NPC1: variants seen among roughly 807,000 people sequenced by gnomAD.
NPC1 encodes the protein Niemann-Pick C1 protein.
NPC1 carries 85 observed loss-of-function variants against 140.4 expected under a neutral mutation model. The ratio of observed to expected loss-of-function variants is 0.61; its 90% CI spans 0.51 to 0.72. The LOEUF is 0.72. Ranked by LOEUF, NPC1 falls within the 30% of genes least tolerant of loss-of-function variation. The pLI is 0.00. For missense variants in NPC1, 1,504 were observed against 1,623.8 expected, an observed-to-expected ratio of 0.93 and a Z score of 1.27; for synonymous variants, 656 against 624.8, an observed-to-expected ratio of 1.05 and a Z score of -0.74.
rs1463611473 is a variant in NPC1, at chr18:23,540,946, T to G, written c.2514+122A>C. 4.1e-6 allele frequency: 5 copies of G among 1,214,656 alleles called. No individual in the cohort carries two copies. In the East Asian group the frequency reaches 7.0e-5, roughly 17 times the overall value. 75.2% of individuals were successfully genotyped at this position (1,214,656 alleles called of 1,614,324 possible). A position where few individuals can be genotyped will look rare whatever the true frequency, so the allele number is the denominator to read the frequency against. The stretch of plus-strand genomic sequence containing the variant: ...CTACTGTTCCACATTTGCTTTTGCT[T>G]TTTTTTTAGATACATTTTAACAGCT... On this transcript the variant is annotated intron_variant, in intron 16 of 24. Transcript: ENST00000269228.
At chr18:23,563,090 T>C (rs980509777) in intron 4 of NPC1, among the ~76,000 whole-genome samples, 6 of 152,240 alleles carry the variant, frequency 3.9e-5, no homozygotes, top group African/African-American at 1.4e-4. Flanking sequence ...TTTATCTGAC[T>C]ATTTCAGACA....
At position 23,541,083 on chromosome 18, in the gene NPC1, C is replaced by G. The variant is rs2058706495; in HGVS notation, c.2499G>C (p.Trp833Cys). The G allele has an allele frequency of 6.2e-7, 1 of 1,614,064 alleles. No individual in the cohort carries two copies. The highest frequency in any genetic ancestry group is 1.3e-5 in the African/African-American group (1 of 74,918). Reference sequence around the variant, plus strand: ...AAGCGCATACCACAATTGGTCTCATCCAGTCCTTTAGCAGAAGTGGAGAAT... The same window carrying G: ...AAGCGCATACCACAATTGGTCTCATGCAGTCCTTTAGCAGAAGTGGAGAAT... Reference protein sequence around the residue: ...NSYSPLLLKDWMRPIVIAIFV... With the variant: ...NSYSPLLLKDCMRPIVIAIFV... Residue 833 changes from tryptophan to cysteine, a missense_variant, in exon 16 of 25, where the codon TGG becomes TGC. Trp to Cys is a radical substitution (Grantham distance 215, BLOSUM62 -2). Transcript: ENST00000269228.
chr18:23,546,373 C>T (rs1281551891), intron 11 of NPC1, among the ~76,000 whole-genome samples: 1 of 151,396 alleles, frequency 6.6e-6, no homozygotes. Context: ...ATAAAAAGTG[C>T]TGACGAGGAT....
At chr18:23,527,664 G>GTATTGTATTTGT, downstream of NPC1, 2 of 607,866 alleles carry the variant, frequency 3.3e-6, no homozygotes, top group Non-Finnish European at 6.0e-6. Context: ...GGTCTTTAAA[G>GTATTGTATTTGT]TAGAGTGTCC....
Position 23,544,952 on chromosome 18 carries a change from C to CT in NPC1, c.1947+7_1947+8insA, listed in dbSNP as rs1555634618. 101 of 1,431,132 alleles carry CT rather than the reference C, an allele frequency of 7.1e-5. 1 individual carries two copies. The highest frequency in any genetic ancestry group is 9.6e-5 in the Non-Finnish European group (98 of 1,025,692). The allele number at this position is 1,431,132 out of a possible 1,614,324, so 88.7% of individuals were successfully genotyped here. A position where few individuals can be genotyped will look rare whatever the true frequency, so the allele number is the denominator to read the frequency against. ...CTCTAGAACATACACCACCCCCCCC[C>CT]GGCTTACCAGAAGCCTGCGACAGCT... On this transcript the variant is annotated splice_region_variant and intron_variant, in intron 12 of 24. Coordinates refer to ENST00000269228, the MANE Select transcript of NPC1 (RefSeq NM_000271.5).
Position 23,544,404 on chromosome 18 carries a change from G to A in NPC1, c.2070C>T (p.Ile690=). 1.2e-6 allele frequency: 2 copies of A among 1,614,186 alleles called. No individual in the cohort carries two copies. The highest frequency in any genetic ancestry group is 1.7e-6 in the Non-Finnish European group (2 of 1,180,032). Residue 690 remains isoleucine (I), a synonymous_variant, in exon 13 of 25, where the codon ATC becomes ATT. Transcript: ENST00000269228. The part of the protein sequence containing the change: ...LPLTLIVIEV[I]PFLVLAVGVD... ...CTCCAACAGCCAGCACCAGGAACGG[G>A]ATGACTTCAATCACAATGAGGGTCA...
At chr18:23,551,325 T>C (rs1344115224) in intron 10 of NPC1, among the ~76,000 whole-genome samples, 12 of 152,184 alleles carry the variant, frequency 7.9e-5, no homozygotes, top group Non-Finnish European at 1.2e-4. Context: ...CGGAGGCCCA[T>C]GACCTTCAAG....
intron 3 of NPC1, among the ~76,000 whole-genome samples, chr18:23,514,993 A>G (rs1406190138): frequency 6.6e-6 from 1 of 152,020 alleles, no homozygotes; most frequent in Non-Finnish European, 1.5e-5. Context: ...ATTTGTATGG[A>G]GTCTTATGAA....
chr18:23,571,518 G>A (rs1202810689), intron 3 of NPC1, among the ~76,000 whole-genome samples: 3 of 152,178 alleles, frequency 2.0e-5, no homozygotes, highest in African/African-American at 4.8e-5. Flanking sequence ...TTAGCTAGGT[G>A]TGGTGGCATG....
At chr18:23,569,108 A>G (rs1274359894) in intron 3 of NPC1, 110 bp from the exon 4 acceptor site, 1 of 761,312 alleles carries the variant, frequency 1.3e-6, no homozygotes, top group Non-Finnish European at 2.2e-6. Context: ...GTGACAAATT[A>G]CCAAGAGAAC....
downstream of NPC1, chr18:23,518,892 A>G: frequency 6.2e-7 from 1 of 1,613,986 alleles, no homozygotes; most frequent in Non-Finnish European, 8.5e-7. Flanking sequence ...CTAATTAGAT[A>G]CGGGCAGCTG....
intron 1 of NPC1, chr18:23,577,057 T>A (rs534031767): frequency 6.6e-6 from 1 of 152,308 alleles, no homozygotes; most frequent in South Asian, 2.1e-4. Flanking sequence ...TTGGTGCGTT[T>A]ATAATCCCTG....
chr18:23,535,584 A>G lies in NPC1; in HGVS notation c.3362T>C (p.Leu1121Pro). 1 of 1,614,108 alleles carries G rather than the reference A, an allele frequency of 6.2e-7. No homozygotes were observed. The highest frequency in any genetic ancestry group is 8.5e-7 in the Non-Finnish European group (1 of 1,180,006). Reference sequence around the variant, plus strand: ...GGCACACATGATGACTGCAGACCAGAGCTCACAGCCCAGGAGGACCATGGT... The same window carrying G: ...GGCACACATGATGACTGCAGACCAGGGCTCACAGCCCAGGAGGACCATGGT... The part of the protein sequence containing the change: ...LVTMVLLGCE[L>P]WSAVIMCATI... Residue 1121 changes from leucine (L) to proline (P), a missense_variant, in exon 22 of 25, where the codon CTC (leucine) becomes CCC (proline). By Grantham distance (98) the Leu-to-Pro change is moderately conservative. Transcript: ENST00000269228.
chr18:23,548,213 G>C, intron 10 of NPC1, 105 bp from the exon 11 acceptor site: 2 of 754,906 alleles, frequency 2.6e-6, no homozygotes, highest in Non-Finnish European at 4.8e-6. Context: ...TGGAGCTATG[G>C]ACTGTATCTC....
chr18:23,538,970 T>C (rs2058672856), intron 19 of NPC1: 1 of 461,508 alleles, frequency 2.2e-6, no homozygotes, highest in Non-Finnish European at 3.9e-6. Flanking sequence ...TCTATGTTTT[T>C]ATTAAGAAAA....
chr18:23,541,402 G>A lies in NPC1; in HGVS notation c.2277C>T (p.Thr759=). 6.2e-7 allele frequency: 1 copy of A among 1,614,228 alleles called. No individual in the cohort carries two copies. The highest frequency in any genetic ancestry group is 1.7e-5 in the Admixed American group (1 of 60,036). The change falls in exon 15 of 25, where the codon ACC becomes ACT. Residue 759 remains threonine (T), a synonymous_variant. Coordinates refer to ENST00000269228, the MANE Select transcript of NPC1 (RefSeq NM_000271.5). ...GALSVMPAVH[T]FSLFAGLAVF... Reference sequence around the variant, plus strand: ...CTGCCAATCCCGCAAAGAGAGAGAAGGTGTGCACGGCTGGCATCACGGACA... The same window carrying A: ...CTGCCAATCCCGCAAAGAGAGAGAAAGTGTGCACGGCTGGCATCACGGACA...
chr18:23,531,884 G>GTCTC lies in NPC1; in HGVS notation c.*317_*318insGAGA. 6.9e-7 allele frequency: 1 copy of GTCTC among 1,443,154 alleles called. No individual in the cohort carries two copies. Among genetic ancestry groups the GTCTC allele is most frequent in the South Asian group, 1.5e-5 (1 of 67,172 alleles). The allele number at this position is 1,443,154 out of a possible 1,614,324, so 89.4% of individuals were successfully genotyped here. ...AGGAGAGACAGACAGTGCATTGATT[G>GTCTC]GCCTTTACAGAGTGTCAGTGAGCGG... On this transcript the variant is annotated 3_prime_UTR_variant, in exon 25 of 25. Coordinates refer to ENST00000269228, the MANE Select transcript of NPC1 (RefSeq NM_000271.5).
chr18:23,554,333 T>C (rs551588520), intron 9 of NPC1, among the ~76,000 whole-genome samples: 1 of 152,294 alleles, frequency 6.6e-6, no homozygotes, highest in South Asian at 2.1e-4. Context: ...CAGCTGGGCA[T>C]GGAAGCTCAC....
intron 1 of NPC1, chr18:23,524,080 T>C: frequency 6.3e-7 from 1 of 1,590,756 alleles, no homozygotes; most frequent in Non-Finnish European, 8.6e-7. Flanking sequence ...TACCAGCATT[T>C]GCAGCATTTT....
Sources: gnomAD v4.1 joint callset for allele counts (sites outside exome capture counted in the v4.1 genomes callset) on GRCh38, gnomAD v4.1.1 for gene constraint, MANE v1.5 for transcripts, NCBI Gene and HGNC (gene_info 2026-07-23, HGNC 2026-07-21) for gene names.